The following ELP2 variants were observed in gnomAD, a reference collection of about 807,000 sequenced individuals.
ELP2 encodes the protein elongator complex protein 2.
A neutral mutation model predicts 119.2 loss-of-function variants in ELP2; 90 were observed. The observed-to-expected ratio is 0.75, with a 90% CI of 0.64 to 0.90. The LOEUF (loss-of-function observed/expected upper bound fraction) is 0.90, where lower values mean the gene tolerates loss of function less well. Ranked by LOEUF, ELP2 falls within the 40% of genes least tolerant of loss-of-function variation. The pLI is 0.00. For synonymous variants in ELP2, 339 were observed against 331.0 expected (o/e 1.02, Z -0.26); for missense variants, 921 against 967.8 (o/e 0.95, Z 0.64).
chr18:36,159,976 A>T lies in ELP2; in HGVS notation c.1649A>T (p.His550Leu). 6.2e-7 allele frequency: 1 copy of T among 1,614,150 alleles called. No homozygotes were observed. Among genetic ancestry groups the T allele is most frequent in the Non-Finnish European group, 8.5e-7 (1 of 1,180,024 alleles). Reference sequence around the variant, plus strand: ...ATTCTAGAGCCTCCCACTGAGGATCATCTTCTGCAGAATACTTTGTGGCCT... The same window carrying T: ...ATTCTAGAGCCTCCCACTGAGGATCTTCTTCTGCAGAATACTTTGTGGCCT... ...SILTEPPTED[H>L]LLQNTLWPEV... The change falls in exon 16 of 22, where the codon CAT becomes CTT. Residue 550 changes from histidine to leucine, a missense_variant. His to Leu is a moderately conservative substitution (Grantham distance 99). Transcript: ENST00000358232.
intron 21 of ELP2, among the ~76,000 whole-genome samples, chr18:36,171,856 A>G (rs998978255): frequency 1.3e-5 from 2 of 152,168 alleles, no homozygotes; most frequent in Admixed American, 6.5e-5. Context: ...AGCTGGGACT[A>G]CAGACACGCA....
chr18:36,158,396 G>T lies in ELP2; in HGVS notation c.1465-439G>T, dbSNP rs368150477. 32 of 159,514 alleles carry T rather than the reference G, an allele frequency of 2.0e-4. 1 individual carries two copies. In the South Asian group the frequency reaches 5.8e-3, roughly 29 times the overall value. 9.9% of individuals were successfully genotyped at this position (159,514 alleles called of 1,614,324 possible). A position where few individuals can be genotyped will look rare whatever the true frequency, so the allele number is the denominator to read the frequency against. ...TAATGAAAATACTATGACTAATGCT[G>T]TAACTGTTCCCTTCTGGGAAGCATC... On this transcript the variant is annotated intron_variant, in intron 13 of 21. Transcript: ENST00000358232.
intron 11 of ELP2, among the ~76,000 whole-genome samples, chr18:36,152,129 T>C (rs1598785419): frequency 6.6e-6 from 1 of 150,780 alleles, no homozygotes; most frequent in Non-Finnish European, 1.5e-5. Flanking sequence ...GGAGGGAGGG[T>C]GAGGCTGCAG....
At chr18:36,145,447 A>G (rs2090166591) in intron 9 of ELP2, 5 of 295,634 alleles carry the variant, frequency 1.7e-5, no homozygotes, top group Non-Finnish European at 2.6e-5. Context: ...TTTGCCATTT[A>G]TCTCCATTTA....
chr18:36,165,573 G>A (rs1296280902), intron 18 of ELP2, among the ~76,000 whole-genome samples: 1 of 152,164 alleles, frequency 6.6e-6, no homozygotes. Flanking sequence ...CTAACATGCA[G>A]CATTTACTGT....
At position 36,164,663 on chromosome 18, in the gene ELP2, G is replaced by A; in HGVS notation, c.1950G>A (p.Glu650=). ...AAAAGCAGGATACAATCTCACCTGA[G>A]TTCGGTAAAACAGCTTCTGATTGGG... The part of the protein sequence containing the change: ...LWKKQDTISP[E]FEPVFSLFAF... Residue 650 remains glutamate, a synonymous_variant, in exon 18 of 22, where the codon GAG becomes GAA. Transcript: ENST00000358232. 1 of 1,614,012 alleles carries A rather than the reference G, an allele frequency of 6.2e-7. No individual in the cohort carries two copies. The highest frequency in any genetic ancestry group is 8.5e-7 in the Non-Finnish European group (1 of 1,179,956).
intron 3 of ELP2, among the ~76,000 whole-genome samples, chr18:36,137,803 C>CAAAAAAAAA (rs57722627): frequency 2.9e-5 from 3 of 103,696 alleles, no homozygotes; most frequent in South Asian, 3.8e-4. Flanking sequence ...ATATTATCAC[C>CAAAAAAAAA]AAAAAAAAAA....
chr18:36,137,030 G>C (rs944170208), intron 3 of ELP2: 5 of 150,988 alleles, frequency 3.3e-5, no homozygotes, highest in African/African-American at 1.2e-4. Flanking sequence ...AAAAAAAAAG[G>C]TTATAAATAC....
At chr18:36,152,548 CTTGCATACA>C (rs1308189948) in intron 11 of ELP2, among the ~76,000 whole-genome samples, 3 of 152,198 alleles carry the variant, frequency 2.0e-5, no homozygotes, top group Non-Finnish European at 4.4e-5. Context: ...TCTCACAAGG[CTTGCATACA>C]AAGCATATTA....
At chr18:36,165,024 G>T in intron 18 of ELP2, 1 of 268,070 alleles carries the variant, frequency 3.7e-6, no homozygotes, top group Non-Finnish European at 7.3e-6. Flanking sequence ...AGGATTTTAT[G>T]GGACAGGAAT....
chr18:36,149,809 C>G (rs1054040652), intron 11 of ELP2, among the ~76,000 whole-genome samples: 6 of 151,970 alleles, frequency 3.9e-5, no homozygotes. Flanking sequence ...GTAAGCCAGC[C>G]CTTCATGCTT....
rs60477950 is a variant in ELP2, at chr18:36,166,319, G to GTTTTTTTTTTTT, written c.1955-765_1955-754dup. ...AGTTATGTGGTTTTTGTTTTTTAGG[G>GTTTTTTTTTTTT]TTTTTTTTTTTTTTTTTTTTTTTTT... is the stretch of plus-strand genomic sequence containing the variant. On this transcript the variant is annotated intron_variant, in intron 18 of 21. Transcript: ENST00000358232. Among the ~76,000 whole-genome samples, 49 of 71,690 alleles carry GTTTTTTTTTTTT rather than the reference G, an allele frequency of 6.8e-4. 6 individuals carry two copies. Among genetic ancestry groups the GTTTTTTTTTTTT allele is most frequent in the African/African-American group, 2.6e-3 (46 of 17,966 alleles). 47.0% of individuals were successfully genotyped at this position (71,690 alleles called of 152,430 possible). A position where few individuals can be genotyped will look rare whatever the true frequency, so the allele number is the denominator to read the frequency against.
intron 13 of ELP2, among the ~76,000 whole-genome samples, chr18:36,157,992 C>A (rs933746547): frequency 2.6e-5 from 4 of 152,128 alleles, no homozygotes; most frequent in African/African-American, 7.2e-5. Flanking sequence ...TGTAGAGTAG[C>A]GAGCTGCTTG....
intron 11 of ELP2, among the ~76,000 whole-genome samples, chr18:36,149,478 G>T (rs575447350): frequency 0.017 from 1,078 of 63,954 alleles, 18 homozygotes; most frequent in African/African-American, 0.043. Flanking sequence ...AGGGTTTTTT[G>T]TTTTGTTTTG....
Position 36,170,067 on chromosome 18 carries a change from TTGTC to T in ELP2, c.2084_2087del (p.Val695GlyfsTer28), listed in dbSNP as rs1403940898. On this transcript the variant is annotated frameshift_variant, in exon 20 of 22. Coordinates refer to ENST00000358232, the MANE Select transcript of ELP2 (RefSeq NM_018255.4). LOFTEE classifies it high-confidence loss of function. ...TGTGTGATCTGTCTGTATTAGGTGG[TTGTC>T]TGGGGTGAGTGCGACTCCACTGATG... 1.9e-6 allele frequency: 3 copies of T among 1,614,162 alleles called. No homozygotes were observed. Among genetic ancestry groups the T allele is most frequent in the Non-Finnish European group, 2.5e-6 (3 of 1,180,032 alleles).
chr18:36,148,958 T>C (rs1946459137), intron 11 of ELP2, among the ~76,000 whole-genome samples: 1 of 152,192 alleles, frequency 6.6e-6, no homozygotes, highest in Non-Finnish European at 1.5e-5. Flanking sequence ...CTGAGGCCAC[T>C]CAGGTTTGCA....
In ELP2 at chr18:36,142,262, A is replaced by G. The variant is rs546639425; in HGVS notation, c.589-19A>G. On this transcript the variant is annotated intron_variant, in intron 6 of 21. Transcript: ENST00000358232. The stretch of plus-strand genomic sequence containing the variant: ...ATGTTAAATTCTTACATCAAGCCCA[A>G]TGATTTTTATCTTACTAGTTTCAGA... 49 of 1,608,738 alleles carry G rather than the reference A, an allele frequency of 3.0e-5. No individual in the cohort carries two copies. The highest frequency in any genetic ancestry group is 3.7e-5 in the Non-Finnish European group (43 of 1,175,246).
intron 21 of ELP2, among the ~76,000 whole-genome samples, chr18:36,173,213 A>G (rs904724373): frequency 6.6e-6 from 1 of 152,260 alleles, no homozygotes; most frequent in Non-Finnish European, 1.5e-5. Flanking sequence ...TAATGAAATG[A>G]GATAACTCTA....
At position 36,146,268 on chromosome 18, in the gene ELP2, G is replaced by T; in HGVS notation, c.1012G>T (p.Gly338Cys). ...TGTACAGGTTCGAGTAGGTGAAGTA[G>T]GTGGGAATACTTTGGGATTTTATGA... is the stretch of plus-strand genomic sequence containing the variant. Reference protein sequence around the residue: ...WLEQVRVGEVGGNTLGFYDCQ... With the variant: ...WLEQVRVGEVCGNTLGFYDCQ... Residue 338 changes from glycine (G) to cysteine (C), a missense_variant, in exon 11 of 22, where the codon GGT (glycine) becomes TGT (cysteine). Coordinates refer to ENST00000358232, the MANE Select transcript of ELP2 (RefSeq NM_018255.4). 1.2e-6 allele frequency: 2 copies of T among 1,614,088 alleles called. No individual in the cohort carries two copies. The highest frequency in any genetic ancestry group is 1.7e-6 in the Non-Finnish European group (2 of 1,179,978).
Sources: allele counts gnomAD v4.1 joint callset (sites outside exome capture counted in the v4.1 genomes callset), GRCh38; gene constraint gnomAD v4.1.1; transcripts MANE v1.5; gene names NCBI Gene and HGNC (gene_info 2026-07-23, HGNC 2026-07-21).